Variants in CLCA4 observed in about 807,000 individuals in gnomAD.
CLCA4 encodes the protein calcium-activated chloride channel regulator 4.
CLCA4 carries 69 observed loss-of-function variants against 78.9 expected under a neutral mutation model. The observed-to-expected ratio is 0.87, with a 90% CI of 0.72 to 1.07. The LOEUF (loss-of-function observed/expected upper bound fraction) is 1.07. Among genes scored for constraint, CLCA4 ranks in the 50% least tolerant of loss-of-function variants. The probability of loss-of-function intolerance (pLI) is 0.00; values close to 1 mark genes in which losing one functional copy is unlikely to be tolerated. For synonymous variants in CLCA4, 362 were observed against 375.8 expected, an observed-to-expected ratio of 0.96 and a Z score of 0.42; for missense variants, 1,133 against 1,095.8, an observed-to-expected ratio of 1.03 and a Z score of -0.48.
chr1:86,553,396 G>C (rs1031176824), intron 1 of CLCA4: 1 of 464,374 alleles, frequency 2.2e-6, no homozygotes, highest in African/African-American at 2.0e-5. Flanking sequence ...CATCCCACAC[G>C]AAGGCCACAG....
chr1:86,580,174 A>G lies in CLCA4; in HGVS notation c.2589A>G (p.Val863=). The G allele has an allele frequency of 1.2e-6, 2 of 1,612,722 alleles. No homozygotes were observed. The change falls in exon 14 of 14, where the codon GTA becomes GTG. Residue 863 remains valine (V), a synonymous_variant. Transcript: ENST00000370563. Reference sequence around the variant, plus strand: ...CAAAAGTATCCAACATTGCACAAGTAACTTTGTTTATCCCTCAAGCAAATC... The same window carrying G: ...CAAAAGTATCCAACATTGCACAAGTGACTTTGTTTATCCCTCAAGCAAATC... ...LTSKVSNIAQ[V]TLFIPQANPD...
intron 1 of CLCA4, 53 bp downstream of exon 1, chr1:86,547,331 T>G: frequency 7.5e-7 from 1 of 1,338,030 alleles, no homozygotes; most frequent in Non-Finnish European, 1.0e-6. Flanking sequence ...TACTATTATT[T>G]TTAATTGACA....
chr1:86,572,622 C>T lies in CLCA4; in HGVS notation c.1369C>T (p.His457Tyr). Reference protein sequence around the residue: ...IEMSKITGGSHFYVSDEAQNN... With the variant: ...IEMSKITGGSYFYVSDEAQNN... ...ATGCATTTACATTTTAGGAGGAAGT[C>T]ATTTTTATGTTTCAGATGAAGCTCA... The change falls in exon 9 of 14, where the codon CAT becomes TAT. Residue 457 changes from histidine (H) to tyrosine (Y), a missense_variant. By Grantham distance (83) the His-to-Tyr change is moderately conservative. Transcript: ENST00000370563. 6.3e-7 allele frequency: 1 copy of T among 1,593,974 alleles called. No individual in the cohort carries two copies.
chr1:86,549,845 G>A (rs1570316084), intron 1 of CLCA4, among the ~76,000 whole-genome samples: 1 of 152,162 alleles, frequency 6.6e-6, no homozygotes, highest in East Asian at 1.9e-4. Context: ...AAACATCCAT[G>A]TAGATGGAGG....
chr1:86,547,226 T>A lies in CLCA4; in HGVS notation c.107T>A (p.Ile36Asn). The A allele has an allele frequency of 6.2e-7, 1 of 1,611,564 alleles. No individual in the cohort carries two copies. The highest frequency in any genetic ancestry group is 8.5e-7 in the Non-Finnish European group (1 of 1,179,060). Residue 36 changes from isoleucine (I) to asparagine (N), a missense_variant, in exon 1 of 14, where the codon ATT becomes AAT. Ile to Asn is a moderately radical substitution (Grantham distance 149). Transcript: ENST00000370563. ...LNNNGFEDIV[I>N]VIDPSVPEDE... ...AATAATGGCTTTGAAGATATTGTCATTGTTATAGATCCTAGTGTGCCAGAA... is the reference window on the plus strand; with the variant it reads ...AATAATGGCTTTGAAGATATTGTCAATGTTATAGATCCTAGTGTGCCAGAA...
intron 1 of CLCA4, among the ~76,000 whole-genome samples, chr1:86,551,202 G>A (rs905966516): frequency 6.6e-6 from 1 of 151,922 alleles, no homozygotes; most frequent in African/African-American, 2.4e-5. Context: ...TAATAGTTTA[G>A]CTAATCATTG....
chr1:86,572,618 A>G lies in CLCA4; in HGVS notation c.1365A>G (p.Gly455=). 6.3e-7 allele frequency: 1 copy of G among 1,583,186 alleles called. No homozygotes were observed. The highest frequency in any genetic ancestry group is 1.1e-5 in the South Asian group (1 of 89,988). The change falls in exon 9 of 14, where the codon GGA becomes GGG. Residue 455 remains glycine, a synonymous_variant. Coordinates refer to ENST00000370563, the MANE Select transcript of CLCA4 (RefSeq NM_012128.4). Reference sequence around the variant, plus strand: ...ATTAATGCATTTACATTTTAGGAGGAAGTCATTTTTATGTTTCAGATGAAG... The same window carrying G: ...ATTAATGCATTTACATTTTAGGAGGGAGTCATTTTTATGTTTCAGATGAAG... ...AVIEMSKITG[G]SHFYVSDEAQ...
At chr1:86,551,400 AC>A (rs1170346738) in intron 1 of CLCA4, among the ~76,000 whole-genome samples, 1 of 152,084 alleles carries the variant, frequency 6.6e-6, no homozygotes, top group Admixed American at 6.5e-5. Context: ...AAGAAAACAA[AC>A]CTTTTTGGCT....
At chr1:86,548,010 T>C (rs933753734) in intron 1 of CLCA4, among the ~76,000 whole-genome samples, 2 of 152,212 alleles carry the variant, frequency 1.3e-5, no homozygotes, top group African/African-American at 4.8e-5. Context: ...TTTTAGATTT[T>C]TGAAGAACCT....
Position 86,575,601 on chromosome 1 carries a change from T to A in CLCA4, c.1951+2T>A. On this transcript the variant is annotated splice_donor_variant, in intron 11 of 13. Transcript: ENST00000370563. LOFTEE classifies it high-confidence loss of function. ...TGGAACTTTTGGATAATGGTGCAGG[T>A]AATTCACAGGTTTTTATGAATAAGC... 1 of 1,610,384 alleles carries A rather than the reference T, an allele frequency of 6.2e-7. No homozygotes were observed. The highest frequency in any genetic ancestry group is 8.5e-7 in the Non-Finnish European group (1 of 1,177,634).
At position 86,578,007 on chromosome 1, in the gene CLCA4, C is replaced by T; in HGVS notation, c.2057C>T (p.Thr686Ile). 1 of 1,612,828 alleles carries T rather than the reference C, an allele frequency of 6.2e-7. No homozygotes were observed. The highest frequency in any genetic ancestry group is 1.3e-5 in the African/African-American group (1 of 74,948). The change falls in exon 12 of 14, where the codon ACT (threonine) becomes ATT (isoleucine). Residue 686 changes from threonine (T) to isoleucine (I), a missense_variant. By Grantham distance (89) the Thr-to-Ile change is moderately conservative (BLOSUM62 -1). Transcript: ENST00000370563. The part of the protein sequence containing the change: ...LKVRAHGGAN[T>I]ARLKLRPPLN... ...GTTCGGGCTCATGGAGGAGCAAACA[C>T]TGCCAGGCTAAAATTACGGCCTCCA...
intron 1 of CLCA4, chr1:86,552,582 C>G (rs1649698559): frequency 1.7e-6 from 1 of 592,566 alleles, no homozygotes; most frequent in Non-Finnish European, 3.0e-6. Context: ...CACGTGTCCA[C>G]GCGTCAGACA....
chr1:86,567,728 G>A (rs1389300559), intron 7 of CLCA4, 77 bp downstream of exon 7: 2 of 1,123,160 alleles, frequency 1.8e-6, no homozygotes, highest in African/African-American at 3.1e-5. Context: ...TACTGCACAT[G>A]CTTGCTTGCT....
intron 1 of CLCA4, among the ~76,000 whole-genome samples, chr1:86,550,080 C>A (rs908617194): frequency 5.9e-5 from 9 of 152,188 alleles, no homozygotes; most frequent in African/African-American, 2.2e-4. Context: ...AATTTCTCCA[C>A]TACTGTGTTC....
At chr1:86,557,715 T>C (rs1467339599) in intron 1 of CLCA4, among the ~76,000 whole-genome samples, 2 of 152,084 alleles carry the variant, frequency 1.3e-5, no homozygotes, top group African/African-American at 4.8e-5. Context: ...GAGTTCTGTA[T>C]AGGTCTATCG....
At chr1:86,562,580 C>T (rs951707352) in intron 3 of CLCA4, among the ~76,000 whole-genome samples, 1 of 151,124 alleles carries the variant, frequency 6.6e-6, no homozygotes, top group African/African-American at 2.4e-5. Flanking sequence ...GACGGCTGGG[C>T]AAGGTGGCTG....
rs186153841 is a variant in CLCA4 at position 86,565,886 on chromosome 1, G to A, written c.820G>A (p.Glu274Lys). 4 of 1,611,798 alleles carry A rather than the reference G, an allele frequency of 2.5e-6. No homozygotes were observed. Among genetic ancestry groups the A allele is most frequent in the Non-Finnish European group, 3.4e-6 (4 of 1,178,354 alleles). Residue 274 changes from glutamate (E) to lysine (K), a missense_variant, in exon 6 of 14, where the codon GAG (glutamate) becomes AAG (lysine). By Grantham distance (56) the Glu-to-Lys change is moderately conservative. Coordinates refer to ENST00000370563, the MANE Select transcript of CLCA4 (RefSeq NM_012128.4). Reference sequence around the variant, plus strand: ...AAAGTGCAATTTTAGAAGTACATGGGAGGTGATTAGCAATTCTGAGGATTT... The same window carrying A: ...AAAGTGCAATTTTAGAAGTACATGGAAGGTGATTAGCAATTCTGAGGATTT... The part of the protein sequence containing the change: ...NIKCNFRSTW[E>K]VISNSEDFKN...
chr1:86,549,941 CT>C (rs1649607398), intron 1 of CLCA4, among the ~76,000 whole-genome samples: 1 of 152,170 alleles, frequency 6.6e-6, no homozygotes, highest in Admixed American at 6.5e-5. Context: ...GGCTCCAGGA[CT>C]AAACCAAGGA....
Position 86,567,498 on chromosome 1 carries a change from G to C in CLCA4, c.1029G>C (p.Trp343Cys). 6.2e-7 allele frequency: 1 copy of C among 1,613,172 alleles called. No homozygotes were observed. The highest frequency in any genetic ancestry group is 1.1e-5 in the South Asian group (1 of 91,036). The change falls in exon 7 of 14, where the codon TGG becomes TGC. Residue 343 changes from tryptophan (W) to cysteine (C), a missense_variant. By Grantham distance (215) the Trp-to-Cys change is radical. Coordinates refer to ENST00000370563, the MANE Select transcript of CLCA4 (RefSeq NM_012128.4). ...TGCAGACTGTTGAAAATGGATCCTG[G>C]GTGGGGATGGTTCACTTTGATAGTA... ...FLLQTVENGS[W>C]VGMVHFDSTA...
Sources: gnomAD v4.1 joint callset for allele counts (sites outside exome capture counted in the v4.1 genomes callset) on GRCh38, gnomAD v4.1.1 for gene constraint, MANE v1.5 for transcripts, NCBI Gene and HGNC (gene_info 2026-07-23, HGNC 2026-07-21) for gene names.